Variants in ZNF804B observed in about 807,000 individuals in gnomAD.
ZNF804B encodes the protein zinc finger protein 804B, also known as zinc finger 804B.
A neutral mutation model predicts 101.4 loss-of-function variants in ZNF804B; 80 were observed. The observed-to-expected ratio is 0.79, with a 90% CI of 0.66 to 0.95. The LOEUF is 0.95. ZNF804B is among the 40% of genes least tolerant of loss of function. The probability of loss-of-function intolerance (pLI) is 0.00; values close to 1 mark genes in which losing one functional copy is unlikely to be tolerated. For missense variants in ZNF804B, 1,673 were observed against 1,561.9 expected (o/e 1.07, Z -1.20); for synonymous variants, 622 against 558.8 (o/e 1.11, Z -1.59).
chr7:89,313,547 C>CT (rs1790675953), intron 2 of ZNF804B, among the ~76,000 whole-genome samples: 1 of 152,194 alleles, frequency 6.6e-6, no homozygotes, highest in Admixed American at 6.5e-5. Flanking sequence ...TAGAGACTTA[C>CT]TGGCCTGATC....
chr7:88,955,545 A>C (rs1259812742), intron 1 of ZNF804B, among the ~76,000 whole-genome samples: 2 of 151,636 alleles, frequency 1.3e-5, no homozygotes, highest in African/African-American at 4.8e-5. Context: ...CTAGATTTTA[A>C]ATTTTTTCCT....
intron 2 of ZNF804B, among the ~76,000 whole-genome samples, chr7:89,318,624 G>A (rs375011551): frequency 2.0e-5 from 3 of 152,164 alleles, no homozygotes; most frequent in East Asian, 1.9e-4. Flanking sequence ...TTAACCGCGT[G>A]TGGTGGCGAG....
At chr7:89,124,139 G>T (rs2116370174) in intron 1 of ZNF804B, among the ~76,000 whole-genome samples, 1 of 152,262 alleles carries the variant, frequency 6.6e-6, no homozygotes, top group Non-Finnish European at 1.5e-5. Flanking sequence ...TGTCTAACAG[G>T]TTATGCTGGG....
intron 1 of ZNF804B, among the ~76,000 whole-genome samples, chr7:88,967,250 G>A: frequency 6.6e-6 from 1 of 151,008 alleles, no homozygotes; most frequent in South Asian, 2.1e-4. Flanking sequence ...GGGGACCTCA[G>A]GAGACTTTCA....
chr7:89,068,198 A>T (rs1789483628), intron 1 of ZNF804B, among the ~76,000 whole-genome samples: 1 of 150,660 alleles, frequency 6.6e-6, no homozygotes, highest in South Asian at 2.1e-4. Flanking sequence ...TTAAGGCAGA[A>T]TTGGGTAAAT....
intron 2 of ZNF804B, among the ~76,000 whole-genome samples, chr7:89,321,818 T>C (rs960907293): frequency 6.6e-6 from 1 of 152,066 alleles, no homozygotes; most frequent in Non-Finnish European, 1.5e-5. Context: ...AATAAATACA[T>C]TTTAAAGACA....
At chr7:89,291,076 G>C (rs1790282624) in intron 2 of ZNF804B, among the ~76,000 whole-genome samples, 1 of 152,176 alleles carries the variant, frequency 6.6e-6, no homozygotes, top group South Asian at 2.1e-4. Context: ...GTGTTACTGG[G>C]CTTGGAGTCC....
chr7:89,298,181 G>T (rs1389946593), intron 2 of ZNF804B, among the ~76,000 whole-genome samples: 9 of 93,620 alleles, frequency 9.6e-5, no homozygotes, highest in Admixed American at 3.5e-4. Flanking sequence ...TATATATATA[G>T]TGTGTATATA....
chr7:89,312,182 C>T (rs531066079), intron 2 of ZNF804B, among the ~76,000 whole-genome samples: 30 of 152,228 alleles, frequency 2.0e-4, no homozygotes, highest in Admixed American at 1.6e-3. Flanking sequence ...TTTTCTTTCA[C>T]GCACCACATT....
At chr7:89,118,541 G>C (rs995114135) in intron 1 of ZNF804B, among the ~76,000 whole-genome samples, 4 of 151,642 alleles carry the variant, frequency 2.6e-5, no homozygotes, top group African/African-American at 9.7e-5. Flanking sequence ...GTTCTGTTCT[G>C]AGTTTTGCAA....
chr7:88,853,352 A>G (rs1791473450), intron 1 of ZNF804B, among the ~76,000 whole-genome samples: 1 of 152,192 alleles, frequency 6.6e-6, no homozygotes, highest in Admixed American at 6.6e-5. Context: ...GAAATATGTA[A>G]AGGATTTATT....
chr7:89,319,981 C>CAT (rs1790794052), intron 2 of ZNF804B, among the ~76,000 whole-genome samples: 1 of 142,658 alleles, frequency 7.0e-6, no homozygotes, highest in African/African-American at 2.6e-5. Context: ...TTATTTGGCA[C>CAT]ATATAAGTCA....
chr7:89,333,830 T>C lies in ZNF804B; in HGVS notation c.848T>C (p.Ile283Thr). Residue 283 changes from isoleucine to threonine, a missense_variant, in exon 4 of 4, where the codon ATC becomes ACC. Transcript: ENST00000333190. The part of the protein sequence containing the change: ...THLTKEKEVN[I>T]SPSHLESVLH... ...CTTACCAAGGAAAAAGAGGTAAATA[T>C]CTCACCAAGCCATCTGGAAAGTGTT... 6.2e-7 allele frequency: 1 copy of C among 1,612,846 alleles called. No individual in the cohort carries two copies.
At chr7:89,030,491 G>T (rs17166342) in intron 1 of ZNF804B, among the ~76,000 whole-genome samples, 2,607 of 152,088 alleles carry the variant, frequency 0.017, 35 homozygotes, top group South Asian at 0.03. Context: ...AAAACATGTA[G>T]ATTTATCAAG....
chr7:88,927,527 T>C (rs28453708), intron 1 of ZNF804B, among the ~76,000 whole-genome samples: 3,216 of 152,260 alleles, frequency 0.021, 95 homozygotes, highest in African/African-American at 0.073. Flanking sequence ...ACGTTACTCA[T>C]CTTATAAGCA....
intron 1 of ZNF804B, among the ~76,000 whole-genome samples, chr7:88,995,421 A>C (rs1788171810): frequency 6.6e-6 from 1 of 152,078 alleles, no homozygotes; most frequent in African/African-American, 2.4e-5. Flanking sequence ...GGAAACCCTT[A>C]GGTGTAGAAA....
At chr7:88,875,085 G>T (rs1250607243) in intron 1 of ZNF804B, among the ~76,000 whole-genome samples, 1 of 134,088 alleles carries the variant, frequency 7.5e-6, no homozygotes, top group East Asian at 2.2e-4. Context: ...AATGAAGGCA[G>T]AAATAAAGAT....
chr7:89,315,829 G>C (rs995077250), intron 2 of ZNF804B, among the ~76,000 whole-genome samples: 2 of 152,112 alleles, frequency 1.3e-5, no homozygotes, highest in African/African-American at 4.8e-5. Flanking sequence ...AATTTTATCA[G>C]TTTGGGGAAC....
intron 1 of ZNF804B, among the ~76,000 whole-genome samples, chr7:88,830,394 T>A (rs964322386): frequency 4.6e-5 from 7 of 152,166 alleles, no homozygotes; most frequent in African/African-American, 1.4e-4. Context: ...TACAAATCAC[T>A]TTAAAACTCA....
Sources: gnomAD v4.1 joint callset for allele counts (sites outside exome capture counted in the v4.1 genomes callset) on GRCh38, gnomAD v4.1.1 for gene constraint, MANE v1.5 for transcripts, NCBI Gene and HGNC (gene_info 2026-07-23, HGNC 2026-07-21) for gene names.